Variants in CADM2 observed in about 807,000 individuals in gnomAD.
CADM2 encodes immunoglobulin superfamily member 4D.
In CADM2, 12 loss-of-function variants were observed where a neutral mutation model predicts 49.8. That is an observed-to-expected ratio of 0.24 (90% CI 0.15 to 0.39). CADM2 has a LOEUF of 0.39. Ranked by LOEUF, CADM2 falls within the 10% of genes least tolerant of loss-of-function variation. The pLI is 1.00. For synonymous variants in CADM2, 214 were observed against 175.4 expected (o/e 1.22, Z -1.74); for missense variants, 378 against 492.3 (o/e 0.77, Z 2.20).
At chr3:84,996,204 C>T (rs773892480) in intron 1 of CADM2, among the ~76,000 whole-genome samples, 1 of 151,996 alleles carries the variant, frequency 6.6e-6, no homozygotes, top group South Asian at 2.1e-4. Flanking sequence ...AGGGAAGCAG[C>T]TTTATACTCA....
chr3:85,544,596 TAAAAA>T (rs765891086), intron 1 of CADM2, among the ~76,000 whole-genome samples: 3 of 150,834 alleles, frequency 2.0e-5, no homozygotes, highest in Non-Finnish European at 4.4e-5. Flanking sequence ...AAATAAAAAA[TAAAAA>T]AAAGAGGAAA....
intron 6 of CADM2, among the ~76,000 whole-genome samples, chr3:85,921,085 A>C (rs1305998538): frequency 6.6e-6 from 1 of 151,954 alleles, no homozygotes; most frequent in Non-Finnish European, 1.5e-5. Context: ...TCTAATAGAG[A>C]ATAAAAACTG....
chr3:85,171,043 G>C (rs1298522910), intron 1 of CADM2, among the ~76,000 whole-genome samples: 1 of 152,114 alleles, frequency 6.6e-6, no homozygotes, highest in Non-Finnish European at 1.5e-5. Flanking sequence ...TATGTGACAC[G>C]ATTTGATCCC....
At chr3:85,954,961 C>G (rs1723868524) in intron 7 of CADM2, among the ~76,000 whole-genome samples, 1 of 151,056 alleles carries the variant, frequency 6.6e-6, no homozygotes, top group Non-Finnish European at 1.5e-5. Flanking sequence ...TTAAAAAACT[C>G]CCTGGTTTTA....
At chr3:85,961,448 A>G (rs1203900703) in intron 7 of CADM2, 21 bp from the exon 8 acceptor site, 3 of 1,546,236 alleles carry the variant, frequency 1.9e-6, no homozygotes, top group Middle Eastern at 1.7e-4. Context: ...TGCTATCTAC[A>G]TGCATGTTTC....
chr3:86,063,736 G>T (rs1235936085), intron 8 of CADM2, among the ~76,000 whole-genome samples: 1 of 152,124 alleles, frequency 6.6e-6, no homozygotes, highest in Non-Finnish European at 1.5e-5. Flanking sequence ...CTATTTGTCA[G>T]ATTAATGTTC....
In CADM2 at chr3:85,553,499, A is replaced by C. The variant is rs558106390; in HGVS notation, c.62-173023A>C. On this transcript the variant is annotated intron_variant, in intron 1 of 9. Coordinates refer to ENST00000383699, the MANE Select transcript of CADM2 (RefSeq NM_001167675.2). Reference sequence around the variant, plus strand: ...GGAACAAATACTTATTTTGGCCTCCATTTCTTTATAAAACAAGAAAATTCT... The same window carrying C: ...GGAACAAATACTTATTTTGGCCTCCCTTTCTTTATAAAACAAGAAAATTCT... 4.9e-5 allele frequency among the ~76,000 whole-genome samples: 7 copies of C among 142,108 alleles called. No homozygotes were observed. In the East Asian group the frequency reaches 9.4e-4, roughly 19 times the overall value. The allele number at this position is 142,108 out of a possible 152,430, so 93.2% of individuals were successfully genotyped here.
chr3:85,850,438 C>A (rs1032043515), intron 3 of CADM2, among the ~76,000 whole-genome samples: 4 of 151,066 alleles, frequency 2.6e-5, no homozygotes, highest in African/African-American at 9.7e-5. Flanking sequence ...CATTCTCCTG[C>A]CTCAGCCTCC....
At chr3:85,927,114 C>G (rs1719973797) in intron 6 of CADM2, among the ~76,000 whole-genome samples, 1 of 152,132 alleles carries the variant, frequency 6.6e-6, no homozygotes, top group African/African-American at 2.4e-5. Flanking sequence ...GCAATTACAT[C>G]AATGCGTATT....
intron 3 of CADM2, among the ~76,000 whole-genome samples, chr3:85,862,684 T>C (rs2075581369): frequency 6.6e-6 from 1 of 152,186 alleles, no homozygotes; most frequent in Non-Finnish European, 1.5e-5. Flanking sequence ...CAAACTACTC[T>C]TACTAGATTA....
At chr3:85,382,673 A>C in intron 1 of CADM2, among the ~76,000 whole-genome samples, 1 of 152,174 alleles carries the variant, frequency 6.6e-6, no homozygotes, top group South Asian at 2.1e-4. Context: ...ATCACTCTTA[A>C]AAATTAAAAT....
intron 8 of CADM2, among the ~76,000 whole-genome samples, chr3:86,034,843 T>C (rs1734969037): frequency 6.6e-6 from 1 of 152,052 alleles, no homozygotes; most frequent in South Asian, 2.1e-4. Flanking sequence ...ACTCTATCTT[T>C]ATTAATCAGA....
chr3:85,200,381 A>T (rs1298912771), intron 1 of CADM2, among the ~76,000 whole-genome samples: 2 of 152,094 alleles, frequency 1.3e-5, no homozygotes, highest in Admixed American at 1.3e-4. Context: ...TTAGATACTG[A>T]TAACTTGGTA....
chr3:85,792,592 CG>C (rs1400170336), intron 2 of CADM2, among the ~76,000 whole-genome samples: 1 of 152,172 alleles, frequency 6.6e-6, no homozygotes, highest in African/African-American at 2.4e-5. Flanking sequence ...AGGTATATCT[CG>C]GGTGATTATT....
chr3:85,006,535 T>C (rs1029794060), intron 1 of CADM2, among the ~76,000 whole-genome samples: 2 of 152,204 alleles, frequency 1.3e-5, no homozygotes, highest in African/African-American at 4.8e-5. Context: ...CTTTCTAGAA[T>C]GCAATTCTTA....
chr3:86,061,343 G>T lies in CADM2; in HGVS notation c.971-4262G>T, dbSNP rs139898958. ...AACCATAATACTGGTGTAATATTGG[G>T]CATACAGATCACTCATATAGACTAG... On this transcript the variant is annotated intron_variant, in intron 8 of 9. Transcript: ENST00000383699. Among the ~76,000 whole-genome samples the T allele has an allele frequency of 3.9e-5, 6 of 151,974 alleles. No individual in the cohort carries two copies. In the East Asian group the frequency reaches 1.2e-3, roughly 29 times the overall value.
chr3:85,446,351 A>G (rs2037449758), intron 1 of CADM2, among the ~76,000 whole-genome samples: 1 of 152,146 alleles, frequency 6.6e-6, no homozygotes, highest in Non-Finnish European at 1.5e-5. Flanking sequence ...AATGCCCCAT[A>G]GTTGTACTTT....
intron 1 of CADM2, among the ~76,000 whole-genome samples, chr3:85,296,950 T>C (rs966392673): frequency 6.6e-6 from 1 of 152,108 alleles, no homozygotes; most frequent in South Asian, 2.1e-4. Context: ...AATTATATTT[T>C]ATTGGGTTCT....
chr3:85,688,631 G>A (rs1183045335), intron 1 of CADM2, among the ~76,000 whole-genome samples: 1 of 148,582 alleles, frequency 6.7e-6, no homozygotes, highest in East Asian at 2.0e-4. Flanking sequence ...GCAGGGGCAT[G>A]ATCTTATCTC....
Sources: allele counts gnomAD v4.1 joint callset (sites outside exome capture counted in the v4.1 genomes callset), GRCh38; gene constraint gnomAD v4.1.1; transcripts MANE v1.5; gene names NCBI Gene and HGNC (gene_info 2026-07-23, HGNC 2026-07-21).